Variants in ZBTB44 observed in about 807,000 individuals in gnomAD.
ZBTB44 encodes the protein zinc finger and BTB domain-containing protein 44.
Under a neutral mutation model 54.0 loss-of-function variants are expected in ZBTB44, and 15 were observed. That is an observed-to-expected ratio of 0.28 (90% confidence interval 0.19 to 0.43). The LOEUF (loss-of-function observed/expected upper bound fraction) is 0.43. ZBTB44 is among the 20% of genes least tolerant of loss of function. The pLI is 1.00. For synonymous variants in ZBTB44, 230 were observed against 250.1 expected (o/e 0.92, Z 0.76); for missense variants, 487 against 707.1 (o/e 0.69, Z 3.53).
At chr11:130,247,478 G>A (rs1937627801) in intron 2 of ZBTB44, among the ~76,000 whole-genome samples, 1 of 152,100 alleles carries the variant, frequency 6.6e-6, no homozygotes, top group Non-Finnish European at 1.5e-5. Context: ...AAATATTTTG[G>A]TTATTCAGAT....
intron 1 of ZBTB44, among the ~76,000 whole-genome samples, chr11:130,271,942 A>T (rs889390641): frequency 6.6e-6 from 1 of 152,138 alleles, no homozygotes; most frequent in Non-Finnish European, 1.5e-5. Flanking sequence ...TCAAGAGTGT[A>T]TGAGGAGGCT....
chr11:130,295,874 C>CT, intron 1 of ZBTB44: 1 of 1,436,554 alleles, frequency 7.0e-7, no homozygotes, highest in African/African-American at 1.4e-5. Context: ...GAGCTAAAGA[C>CT]TCACCACGTG....
intron 7 of ZBTB44, 190 bp downstream of exon 7, chr11:130,233,117 AG>A (rs1286622372): frequency 1.8e-6 from 1 of 545,646 alleles, no homozygotes; most frequent in African/African-American, 1.9e-5. Flanking sequence ...TATAAAATAT[AG>A]AATATCTCCA....
chr11:130,238,700 A>G (rs1565644526), intron 3 of ZBTB44, 93 bp from the exon 4 acceptor site: 1 of 1,258,250 alleles, frequency 7.9e-7, no homozygotes, highest in Non-Finnish European at 1.0e-6. Flanking sequence ...AAAAGATAAA[A>G]CACTTAAAGA....
intron 1 of ZBTB44, among the ~76,000 whole-genome samples, chr11:130,313,058 C>CCT (rs1555058343): frequency 3.9e-5 from 6 of 152,074 alleles, no homozygotes; most frequent in Admixed American, 1.3e-4. Context: ...ATAGAACGAA[C>CCT]CTCTATACGA....
intron 1 of ZBTB44, chr11:130,295,975 G>T (rs1941617836): frequency 6.5e-7 from 1 of 1,545,024 alleles, no homozygotes; most frequent in South Asian, 1.1e-5. Context: ...GGCCACACCA[G>T]GCCGTCTGCT....
intron 1 of ZBTB44, among the ~76,000 whole-genome samples, chr11:130,291,285 C>T (rs775055792): frequency 3.9e-5 from 6 of 152,148 alleles, no homozygotes; most frequent in Middle Eastern, 3.4e-3. Flanking sequence ...ATTATAGGCG[C>T]GTGCCACCAT....
intron 1 of ZBTB44, among the ~76,000 whole-genome samples, chr11:130,304,529 G>A (rs111393320): frequency 0.013 from 2,006 of 152,150 alleles, 49 homozygotes; most frequent in African/African-American, 0.046. Context: ...GAGGATCATC[G>A]TACACAGACA....
chr11:130,288,380 A>T (rs1565678844), intron 1 of ZBTB44, among the ~76,000 whole-genome samples: 1 of 151,824 alleles, frequency 6.6e-6, no homozygotes, highest in Non-Finnish European at 1.5e-5. Flanking sequence ...TCTCGGGAAA[A>T]AAATAAATAA....
At chr11:130,249,219 T>G (rs1238146410) in intron 2 of ZBTB44, among the ~76,000 whole-genome samples, 1 of 152,228 alleles carries the variant, frequency 6.6e-6, no homozygotes, top group Non-Finnish European at 1.5e-5. Context: ...TTAGACAGAT[T>G]AATATTTGGG....
rs563811624 is a variant in ZBTB44 at position 130,239,858 on chromosome 11, G to A, written c.1057C>T (p.Leu353Phe). ...GCATTAGTGCTAGACGTGCTTTGAAGTGTAGGCAAGCCCTCAGAAACGCCT... is the reference window on the plus strand; with the variant it reads ...GCATTAGTGCTAGACGTGCTTTGAAATGTAGGCAAGCCCTCAGAAACGCCT... ...DEGVSEGLPT[L>F]QSTSSTNAPP... The change falls in exon 3 of 8, where the codon CTT (leucine) becomes TTT (phenylalanine). Residue 353 changes from leucine to phenylalanine, a missense_variant. Around this residue, in one of 3 missense-constraint regions of ZBTB44, gnomAD observed 277 missense variants for 306.5 expected, o/e 0.90. Coordinates refer to ENST00000357899, the MANE Select transcript of ZBTB44 (RefSeq NM_001301098.2). The A allele has an allele frequency of 1.2e-6, 2 of 1,612,438 alleles. No individual in the cohort carries two copies. Among genetic ancestry groups the A allele is most frequent in the African/African-American group, 1.3e-5 (1 of 75,014 alleles).
chr11:130,235,744 A>G (rs141366872), intron 5 of ZBTB44, among the ~76,000 whole-genome samples: 3 of 152,176 alleles, frequency 2.0e-5, no homozygotes, highest in African/African-American at 7.2e-5. Context: ...TCACGCCTGT[A>G]ATCCCACAGC....
chr11:130,269,076 A>ACGGGT (rs1939483552), intron 1 of ZBTB44, among the ~76,000 whole-genome samples: 1 of 151,048 alleles, frequency 6.6e-6, no homozygotes, highest in Admixed American at 6.6e-5. Flanking sequence ...GGATCACCTG[A>ACGGGT]GGTCAGGGGT....
chr11:130,259,633 A>G (rs1938705949), intron 2 of ZBTB44, among the ~76,000 whole-genome samples: 1 of 152,224 alleles, frequency 6.6e-6, no homozygotes, highest in African/African-American at 2.4e-5. Flanking sequence ...ATAAAAAAGA[A>G]TGAGTTCATG....
intron 1 of ZBTB44, among the ~76,000 whole-genome samples, chr11:130,312,113 T>C (rs1942643140): frequency 1.3e-5 from 2 of 152,192 alleles, no homozygotes; most frequent in African/African-American, 4.8e-5. Flanking sequence ...AATTTGCATT[T>C]TGGGGAAGAA....
At chr11:130,293,471 CA>C (rs1197563571) in intron 1 of ZBTB44, among the ~76,000 whole-genome samples, 1,217 of 78,610 alleles carry the variant, frequency 0.015, 7 homozygotes, top group Middle Eastern at 0.039. Context: ...GATCTTGTAT[CA>C]AAAAAAAAAA....
chr11:130,241,957 T>TA (rs1245409755), intron 2 of ZBTB44, among the ~76,000 whole-genome samples: 1 of 152,240 alleles, frequency 6.6e-6, no homozygotes, highest in East Asian at 1.9e-4. Context: ...TCCATCTGCT[T>TA]ATCTGTCCTT....
At chr11:130,283,156 T>C (rs568584156) in intron 1 of ZBTB44, among the ~76,000 whole-genome samples, 45 of 150,354 alleles carry the variant, frequency 3.0e-4, no homozygotes, top group Non-Finnish European at 5.0e-4. Context: ...GCAATTATCC[T>C]GCCTTAGCCT....
At chr11:130,311,992 A>G (rs77229326) in intron 1 of ZBTB44, among the ~76,000 whole-genome samples, 1,971 of 152,286 alleles carry the variant, frequency 0.013, 47 homozygotes, top group African/African-American at 0.045. Context: ...AACCCATGAG[A>G]GTCTGAAGTG....
Sources: allele counts gnomAD v4.1 joint callset (sites outside exome capture counted in the v4.1 genomes callset), GRCh38; gene constraint gnomAD v4.1.1; regional missense constraint gnomAD v4.1.1; transcripts MANE v1.5; gene names NCBI Gene and HGNC (gene_info 2026-07-23, HGNC 2026-07-21).